The following PGGHG variants were observed in gnomAD, a reference collection of about 807,000 sequenced individuals.
The protein encoded by PGGHG is protein-glucosylgalactosylhydroxylysine glucosidase.
PGGHG carries 67 observed loss-of-function variants against 74.5 expected under a neutral mutation model. The ratio of observed to expected loss-of-function variants is 0.90; its 90% CI spans 0.74 to 1.10. The LOEUF (loss-of-function observed/expected upper bound fraction) is 1.10. PGGHG is among the 50% of genes least tolerant of loss of function. The probability of loss-of-function intolerance (pLI) is 0.00; values close to 1 mark genes in which losing one functional copy is unlikely to be tolerated. For synonymous variants in PGGHG, 496 were observed against 419.9 expected (o/e 1.18, Z -2.21); for missense variants, 1,034 against 981.5 (o/e 1.05, Z -0.72).
In PGGHG at chr11:293,888, T is replaced by C. The variant is rs1845801096; in HGVS notation, c.1673T>C (p.Leu558Pro). 3.1e-6 allele frequency: 5 copies of C among 1,613,392 alleles called. No individual in the cohort carries two copies. The South Asian group carries it at 5.5e-5, about 18-fold the overall frequency. Residue 558 changes from leucine (L) to proline (P), a missense_variant, in exon 11 of 14, where the codon CTG (leucine) becomes CCG (proline). Transcript: ENST00000409548. ...LKDAVRARGLLDRSFANMAEP... is the reference protein window; with the variant it reads ...LKDAVRARGLPDRSFANMAEP... ...GACGCAGTGCGGGCCCGGGGCCTCC[T>C]GGACAGGAGCTTTGCCAACATGGCT...
In PGGHG at chr11:292,560, C is replaced by G. The variant is rs1375300378; in HGVS notation, c.1041C>G (p.Ala347=). ...CAACCCCTCAGGGAGCCAAGTTTGC[C>G]TGGGAGAGTGCAGACTCCGGCCTAG... ...QNLGYQGAKF[A]WESADSGLEV... The change falls in exon 6 of 14, where the codon GCC becomes GCG. Residue 347 remains alanine, a synonymous_variant. Coordinates refer to ENST00000409548, the MANE Select transcript of PGGHG (RefSeq NM_025092.5). 4 of 1,613,268 alleles carry G rather than the reference C, an allele frequency of 2.5e-6. No individual in the cohort carries two copies. The African/African-American group carries it at 5.3e-5, about 22-fold the overall frequency.
rs1321725950 is a variant in PGGHG at position 294,713 on chromosome 11, C to T, written c.2178C>T (p.Pro726=). The T allele has an allele frequency of 1.2e-6, 2 of 1,610,584 alleles. No individual in the cohort carries two copies. The highest frequency in any genetic ancestry group is 2.7e-5 in the African/African-American group (2 of 74,686). ...PLWVTLGSSS[P]TESLTVDPAS... Reference sequence around the variant, plus strand: ...GGGTCACCCTGGGTTCCTCCAGCCCCACCGAGTCACTCACTGTGGACCCTG... The same window carrying T: ...GGGTCACCCTGGGTTCCTCCAGCCCTACCGAGTCACTCACTGTGGACCCTG... Residue 726 remains proline (P), a synonymous_variant, in exon 14 of 14, where the codon CCC becomes CCT. Coordinates refer to ENST00000409548, the MANE Select transcript of PGGHG (RefSeq NM_025092.5).
intron 10 of PGGHG, 49 bp from the exon 11 acceptor site, chr11:293,781 C>A (rs1173010842): frequency 1.9e-6 from 3 of 1,613,396 alleles, no homozygotes; most frequent in South Asian, 2.2e-5. Context: ...GTCTTCTCTG[C>A]CCACGCAGTG....
At position 293,494 on chromosome 11, in the gene PGGHG, A is replaced by G. The variant is rs1564842029; in HGVS notation, c.1472A>G (p.Tyr491Cys). The part of the protein sequence containing the change: ...EQNFHPEFDG[Y>C]EPGEVVKQAD... ...AACTTCCACCCGGAGTTCGATGGGT[A>G]TGAGCCTGGTGAGTGGACCCCTTCA... Residue 491 changes from tyrosine to cysteine, a missense_variant, in exon 9 of 14, where the codon TAT (tyrosine) becomes TGT (cysteine). Physicochemically the swap from Tyr to Cys is radical, Grantham distance 194 (BLOSUM62 -2). Coordinates refer to ENST00000409548, the MANE Select transcript of PGGHG (RefSeq NM_025092.5). 1.4e-5 allele frequency: 22 copies of G among 1,611,388 alleles called. No individual in the cohort carries two copies. The highest frequency in any genetic ancestry group is 2.2e-5 in the East Asian group (1 of 44,888).
intron 6 of PGGHG, 40 bp downstream of exon 6, chr11:292,717 A>G: frequency 6.2e-7 from 1 of 1,612,768 alleles, no homozygotes; most frequent in Non-Finnish European, 8.5e-7. Flanking sequence ...AAGTGTGGCC[A>G]GGCAGCTGGT....
At position 294,369 on chromosome 11, in the gene PGGHG, T is replaced by C. The variant is rs1845814956; in HGVS notation, c.1911T>C (p.Ser637=). Residue 637 remains serine, a synonymous_variant, in exon 13 of 14, where the codon TCT becomes TCC. Transcript: ENST00000409548. The part of the protein sequence containing the change: ...IFYQGNKLNF[S]FSEDSVTVEV... ...ACCAGGGGAACAAGCTCAACTTCTCTTTTTCCGAGGACTCCGTGACCGTGG... is the reference window on the plus strand; with the variant it reads ...ACCAGGGGAACAAGCTCAACTTCTCCTTTTCCGAGGACTCCGTGACCGTGG... 1 of 1,612,968 alleles carries C rather than the reference T, an allele frequency of 6.2e-7. No homozygotes were observed. The highest frequency in any genetic ancestry group is 1.3e-5 in the African/African-American group (1 of 74,882).
At position 291,679 on chromosome 11, in the gene PGGHG, G is replaced by A. The variant is rs543929579; in HGVS notation, c.907-297G>A. The A allele has an allele frequency of 1.7e-5, 6 of 362,050 alleles. No individual in the cohort carries two copies. In the East Asian group the frequency reaches 2.7e-4, roughly 16 times the overall value. 22.4% of individuals were successfully genotyped at this position (362,050 alleles called of 1,614,324 possible). On this transcript the variant is annotated intron_variant, in intron 4 of 13. Transcript: ENST00000409548. ...TTCTTTGATGAGGCTCTCAGAGGCC[G>A]AGTCATTCACTGCCAGCCTGAAGCT...
chr11:290,947 T>C lies in PGGHG; in HGVS notation c.740T>C (p.Val247Ala), dbSNP rs1437049211. ...TGGGTAGAATGTGGCTTGGACGTGG[T>C]GGGGCCCCTGCAGCTGCGCCAGGCC... ...QLWVECGLDV[V>A]GPLQLRQALR... The change falls in exon 4 of 14, where the codon GTG becomes GCG. Residue 247 changes from valine (V) to alanine (A), a missense_variant. Physicochemically the swap from Val to Ala is moderately conservative, Grantham distance 64 (BLOSUM62 0). Coordinates refer to ENST00000409548, the MANE Select transcript of PGGHG (RefSeq NM_025092.5). The C allele has an allele frequency of 4.0e-5, 65 of 1,612,194 alleles. No individual in the cohort carries two copies. Among genetic ancestry groups the C allele is most frequent in the Non-Finnish European group, 5.5e-5 (65 of 1,179,676 alleles).
At chr11:290,272 G>GC (rs1211102946) in intron 2 of PGGHG, 118 bp from the exon 3 acceptor site, 3 of 1,370,050 alleles carry the variant, frequency 2.2e-6, no homozygotes, top group Non-Finnish European at 2.9e-6. Flanking sequence ...GGAACGAGCA[G>GC]CCGAGGGCCC....
chr11:291,990 C>T lies in PGGHG; in HGVS notation c.921C>T (p.Phe307=). The change falls in exon 5 of 14, where the codon TTC becomes TTT. Residue 307 remains phenylalanine (F), a synonymous_variant. Coordinates refer to ENST00000409548, the MANE Select transcript of PGGHG (RefSeq NM_025092.5). ...CGTGCTCTCAGGACCTCTGGATGTT[C>T]CCGAGTATCCTGATGTTCCACCCAG... ...HVFWDQDLWM[F]PSILMFHPEA... The T allele has an allele frequency of 1.9e-6, 3 of 1,610,248 alleles. No individual in the cohort carries two copies. Among genetic ancestry groups the T allele is most frequent in the Non-Finnish European group, 2.5e-6 (3 of 1,178,726 alleles).
intron 2 of PGGHG, 104 bp from the exon 3 acceptor site, chr11:290,286 G>A (rs1845678661): frequency 7.2e-7 from 1 of 1,389,410 alleles, no homozygotes; most frequent in South Asian, 1.3e-5. Context: ...AGGGCCCAGA[G>A]GGATCCGCCT....
At position 290,932 on chromosome 11, in the gene PGGHG, G is replaced by C. The variant is rs1564839846; in HGVS notation, c.725G>C (p.Cys242Ser). The C allele has an allele frequency of 6.2e-7, 1 of 1,612,416 alleles. No homozygotes were observed. Among genetic ancestry groups the C allele is most frequent in the East Asian group, 2.2e-5 (1 of 44,842 alleles). ...GCCTGGGCCCAGCTCTGGGTAGAAT[G>C]TGGCTTGGACGTGGTGGGGCCCCTG... ...AQAWAQLWVE[C>S]GLDVVGPLQL... Residue 242 changes from cysteine (C) to serine (S), a missense_variant, in exon 4 of 14, where the codon TGT becomes TCT. By Grantham distance (112) the Cys-to-Ser change is moderately radical. Transcript: ENST00000409548.
intron 10 of PGGHG, 44 bp downstream of exon 10, chr11:293,771 G>A: frequency 6.2e-7 from 1 of 1,613,422 alleles, no homozygotes; most frequent in African/African-American, 1.3e-5. Flanking sequence ...ATTGGCCTCA[G>A]TCTTCTCTGC....
chr11:290,384 C>G lies in PGGHG; in HGVS notation c.260-6C>G. On this transcript the variant is annotated splice_polypyrimidine_tract_variant and splice_region_variant and intron_variant, in intron 2 of 13. Transcript: ENST00000409548. ...AACCCACCTGCCTTCGCTTCTGCCT[C>G]CCCAGGCTCCTTTCTTCACACCCTG... 2 of 1,541,986 alleles carry G rather than the reference C, an allele frequency of 1.3e-6. 1 individual carries two copies. Among genetic ancestry groups the G allele is most frequent in the South Asian group, 2.4e-5 (2 of 83,952 alleles).
chr11:294,191 G>C lies in PGGHG; in HGVS notation c.1803G>C (p.Gly601=), dbSNP rs374350776. 1.9e-6 allele frequency: 3 copies of C among 1,609,374 alleles called. No homozygotes were observed. The East Asian group carries it at 6.7e-5, about 36-fold the overall frequency. The change falls in exon 12 of 14, where the codon GGG becomes GGC. Residue 601 remains glycine, a synonymous_variant. Transcript: ENST00000409548. ...FLQAVVFGCT[G]FRVTRAGVTF... ...AGGCGGTGGTCTTCGGGTGCACGGG[G>C]TTCAGGTAAGTGCAGAGGCTGGCAG...
chr11:293,994 G>A, intron 11 of PGGHG, 69 bp downstream of exon 11: 2 of 1,589,936 alleles, frequency 1.3e-6, no homozygotes, highest in Non-Finnish European at 1.7e-6. Flanking sequence ...CTCAGAGCAG[G>A]CACAGCAGGG....
Position 289,813 on chromosome 11 carries a change from C to T in PGGHG, c.-4C>T, listed in dbSNP as rs1174117673. 2.6e-6 allele frequency: 4 copies of T among 1,548,780 alleles called. No homozygotes were observed. In the East Asian group the frequency reaches 9.8e-5, roughly 38 times the overall value. ...CCATCAGGCCGCTCAGGCCCAGCAG[C>T]TCCATGGAGGACGCCGGCGAGGACC... On this transcript the variant is annotated 5_prime_UTR_variant, in exon 2 of 14. Coordinates refer to ENST00000409548, the MANE Select transcript of PGGHG (RefSeq NM_025092.5). This position sits in a 1 kb window ranked among gnomAD's most constrained non-coding sequence, Gnocchi z 5.6.
At position 289,759 on chromosome 11, in the gene PGGHG, G is replaced by A. The variant is rs1256362778; in HGVS notation, c.-13-45G>A. The A allele has an allele frequency of 5.5e-5, 83 of 1,510,572 alleles. 1 individual carries two copies. Among genetic ancestry groups the A allele is most frequent in the Admixed American group, 3.3e-4 (16 of 48,528 alleles). 93.6% of individuals were successfully genotyped at this position (1,510,572 alleles called of 1,614,324 possible). A position where few individuals can be genotyped will look rare whatever the true frequency, so the allele number is the denominator to read the frequency against. On this transcript the variant is annotated intron_variant, in intron 1 of 13. Transcript: ENST00000409548. This position sits in a 1 kb window ranked among gnomAD's most constrained non-coding sequence, Gnocchi z 5.6. ...GATTACAGACGGTCTCAAGAGGGAGGCCCAGCCAGTCCCGCGGCCCCTGAC... is the reference window on the plus strand; with the variant it reads ...GATTACAGACGGTCTCAAGAGGGAGACCCAGCCAGTCCCGCGGCCCCTGAC...
In PGGHG at chr11:294,758, G is replaced by A. The variant is rs773820375; in HGVS notation, c.*9G>A. On this transcript the variant is annotated 3_prime_UTR_variant, in exon 14 of 14. Coordinates refer to ENST00000409548, the MANE Select transcript of PGGHG (RefSeq NM_025092.5). ...ACCCTGCCTCTGAATAATCAGGAAC[G>A]GTGGCTTCAGAGACGTCTCTTGGGC... 7.0e-6 allele frequency: 11 copies of A among 1,582,628 alleles called. No homozygotes were observed. The highest frequency in any genetic ancestry group is 2.3e-5 in the East Asian group (1 of 44,322).
Sources: allele counts gnomAD v4.1 joint callset, GRCh38; gene constraint gnomAD v4.1.1; non-coding constraint Gnocchi (gnomAD v3.1); transcripts MANE v1.5; gene names NCBI Gene and HGNC (gene_info 2026-07-23, HGNC 2026-07-21).